AKT3: variants seen among roughly 807,000 people sequenced by gnomAD.
The protein encoded by AKT3 is AKT serine/threonine kinase 3.
A neutral mutation model predicts 65.3 loss-of-function variants in AKT3; 15 were observed. The ratio of observed to expected loss-of-function variants is 0.23; its 90% CI spans 0.15 to 0.35. The LOEUF is 0.35. Among genes scored for constraint, AKT3 ranks in the 10% least tolerant of loss-of-function variants. The probability of loss-of-function intolerance (pLI) is 1.00; values close to 1 mark genes in which losing one functional copy is unlikely to be tolerated. For missense variants in AKT3, 243 were observed against 576.5 expected (o/e 0.42, Z 5.92); for synonymous variants, 206 against 183.8 (o/e 1.12, Z -0.98).
chr1:243,558,370 C>T (rs935617345), intron 10 of AKT3, among the ~76,000 whole-genome samples: 1 of 151,890 alleles, frequency 6.6e-6, no homozygotes, highest in Non-Finnish European at 1.5e-5. Flanking sequence ...TCAAAATATT[C>T]TCATCTATTT....
At chr1:243,704,547 G>A (rs953485470) in intron 2 of AKT3, among the ~76,000 whole-genome samples, 1 of 152,100 alleles carries the variant, frequency 6.6e-6, no homozygotes, top group Non-Finnish European at 1.5e-5. Flanking sequence ...TTTCTAAATA[G>A]CATCTCATGT....
intron 6 of AKT3, among the ~76,000 whole-genome samples, chr1:243,622,799 G>A (rs887345819): frequency 7.2e-5 from 11 of 152,240 alleles, no homozygotes; most frequent in Admixed American, 3.9e-4. Context: ...TTAATACAGA[G>A]GTTCAAAAGA....
At chr1:243,672,454 A>C (rs957597178) in intron 3 of AKT3, among the ~76,000 whole-genome samples, 2 of 152,236 alleles carry the variant, frequency 1.3e-5, no homozygotes, top group Admixed American at 1.3e-4. Flanking sequence ...CAAACTCAAC[A>C]TATCTCTCTC....
chr1:243,772,590 C>G (rs908897398), intron 2 of AKT3, among the ~76,000 whole-genome samples: 4 of 152,026 alleles, frequency 2.6e-5, no homozygotes, highest in Non-Finnish European at 4.4e-5. Flanking sequence ...CTGTTGGTGG[C>G]ACTGTAAACT....
chr1:243,654,421 T>A lies in AKT3; in HGVS notation c.285-8384A>T, dbSNP rs114590673. 8.6e-3 allele frequency among the ~76,000 whole-genome samples: 1,316 copies of A among 152,332 alleles called. 8 individuals carry two copies. Among genetic ancestry groups the A allele is most frequent in the Non-Finnish European group, 0.013 (897 of 68,026 alleles). On this transcript the variant is annotated intron_variant, in intron 4 of 13. Coordinates refer to ENST00000673466, the MANE Select transcript of AKT3 (RefSeq NM_005465.7). Reference sequence around the variant, plus strand: ...ACTTATCCTCCTGAGATTATTCTTATTGTGTCCAAAGAATACTAGGTTAGT... The same window carrying A: ...ACTTATCCTCCTGAGATTATTCTTAATGTGTCCAAAGAATACTAGGTTAGT...
Position 243,521,816 on chromosome 1 carries a change from A to T in AKT3, c.1252-9390T>A, listed in dbSNP as rs554214543. 2.6e-5 allele frequency among the ~76,000 whole-genome samples: 4 copies of T among 152,364 alleles called. No individual in the cohort carries two copies. In the East Asian group the frequency reaches 7.7e-4, roughly 29 times the overall value. On this transcript the variant is annotated intron_variant, in intron 12 of 13. Transcript: ENST00000673466. The stretch of plus-strand genomic sequence containing the variant: ...TCTGAGGGGTTTGTTAACACATGAT[A>T]TGGATGATTTGCATTACTTTAAAAA...
At chr1:243,588,306 T>C (rs1675950765) in intron 8 of AKT3, among the ~76,000 whole-genome samples, 1 of 152,164 alleles carries the variant, frequency 6.6e-6, no homozygotes, top group Non-Finnish European at 1.5e-5. Context: ...TAGTAGCTCT[T>C]AGAGCTCACG....
rs1055923263 is a variant in AKT3 at position 243,605,053 on chromosome 1, C to T, written c.696+8618G>A. Among the ~76,000 whole-genome samples, 12 of 152,136 alleles carry T rather than the reference C, an allele frequency of 7.9e-5. 1 individual carries two copies. The highest frequency in any genetic ancestry group is 7.9e-4 in the Admixed American group (12 of 15,266). ...CTTTTATTTTCTTTAGAGACAGGGTCTCACTCTGTTGCCCACGCTGGAGTG... is the reference window on the plus strand; with the variant it reads ...CTTTTATTTTCTTTAGAGACAGGGTTTCACTCTGTTGCCCACGCTGGAGTG... On this transcript the variant is annotated intron_variant, in intron 8 of 13. Transcript: ENST00000673466.
chr1:243,693,332 T>C (rs1443214424), intron 3 of AKT3, among the ~76,000 whole-genome samples: 1 of 137,948 alleles, frequency 7.2e-6, no homozygotes, highest in African/African-American at 2.7e-5. Context: ...CTTGTAAAAT[T>C]ATCTTTTTAA....
chr1:243,727,012 C>G (rs879413957), intron 2 of AKT3, among the ~76,000 whole-genome samples: 1 of 152,182 alleles, frequency 6.6e-6, no homozygotes, highest in Non-Finnish European at 1.5e-5. Context: ...TGTGGTAAAG[C>G]CCACCTCCTT....
intron 13 of AKT3, among the ~76,000 whole-genome samples, chr1:243,509,179 TGGTAAAATATGACATGCCA>T (rs1205327839): frequency 5.3e-5 from 8 of 152,278 alleles, no homozygotes; most frequent in African/African-American, 1.9e-4. Context: ...GTGCTGTCAG[TGGTAAAATATGACATGCCA>T]GGAAAAACAT....
At chr1:243,673,448 CATT>C (rs1572147358) in intron 3 of AKT3, among the ~76,000 whole-genome samples, 2 of 151,966 alleles carry the variant, frequency 1.3e-5, no homozygotes, top group African/African-American at 4.8e-5. Context: ...AGATCTACAT[CATT>C]ATATTTAATA....
chr1:243,830,821 A>C (rs1694460631), intron 2 of AKT3, among the ~76,000 whole-genome samples: 1 of 152,160 alleles, frequency 6.6e-6, no homozygotes, highest in Non-Finnish European at 1.5e-5. Context: ...CTACTTACCT[A>C]ATTTAGATAC....
intron 3 of AKT3, among the ~76,000 whole-genome samples, chr1:243,685,469 G>C (rs1457135088): frequency 6.6e-6 from 1 of 152,134 alleles, no homozygotes; most frequent in Non-Finnish European, 1.5e-5. Flanking sequence ...TGTCAGGTTT[G>C]TCAAAGATCA....
At chr1:243,539,788 AC>A (rs1430151195) in intron 12 of AKT3, among the ~76,000 whole-genome samples, 1 of 152,210 alleles carries the variant, frequency 6.6e-6, no homozygotes, top group Non-Finnish European at 1.5e-5. Flanking sequence ...AAATGAAAAC[AC>A]AGCACATCAA....
chr1:243,649,985 C>T (rs1681181366), intron 4 of AKT3, among the ~76,000 whole-genome samples: 1 of 152,180 alleles, frequency 6.6e-6, no homozygotes, highest in Admixed American at 6.5e-5. Flanking sequence ...TGAGGAATGG[C>T]CACACTGTCT....
At chr1:243,781,894 C>T (rs1309759852) in intron 2 of AKT3, among the ~76,000 whole-genome samples, 1 of 152,194 alleles carries the variant, frequency 6.6e-6, no homozygotes, top group East Asian at 1.9e-4. Flanking sequence ...ACAATCACAG[C>T]TCACTGCAGC....
intron 2 of AKT3, among the ~76,000 whole-genome samples, chr1:243,841,408 A>G (rs1695232969): frequency 1.3e-5 from 2 of 152,160 alleles, no homozygotes; most frequent in South Asian, 4.1e-4. Flanking sequence ...GTAAAACTCA[A>G]AAAGGTTCAA....
At chr1:243,567,436 T>C (rs1463105334) in intron 9 of AKT3, among the ~76,000 whole-genome samples, 1 of 151,184 alleles carries the variant, frequency 6.6e-6, no homozygotes, top group Non-Finnish European at 1.5e-5. Context: ...GCCTCCTAAG[T>C]ACACAGGCGC....
Sources: gnomAD v4.1 joint callset for allele counts (sites outside exome capture counted in the v4.1 genomes callset) on GRCh38, gnomAD v4.1.1 for gene constraint, MANE v1.5 for transcripts, NCBI Gene and HGNC (gene_info 2026-07-23, HGNC 2026-07-21) for gene names.